The following ZMIZ1 variants were observed in gnomAD, a reference collection of about 807,000 sequenced individuals.
ZMIZ1 encodes zinc finger MIZ domain-containing protein 1.
In ZMIZ1, 17 loss-of-function variants were observed where a neutral mutation model predicts 113.9. The ratio of observed to expected loss-of-function variants is 0.15; its 90% CI spans 0.10 to 0.22. ZMIZ1 has a LOEUF of 0.22. Ranked by LOEUF, ZMIZ1 falls within the 10% of genes least tolerant of loss-of-function variation. The pLI is 1.00. For missense variants in ZMIZ1, 1,059 were observed against 1,477.8 expected, an observed-to-expected ratio of 0.72 and a Z score of 4.65; for synonymous variants, 607 against 603.1, an observed-to-expected ratio of 1.01 and a Z score of -0.09.
chr10:79,312,927 C>T lies in ZMIZ1; in HGVS notation c.*178C>T, dbSNP rs1374128096. 3.3e-6 allele frequency: 2 copies of T among 608,902 alleles called. No homozygotes were observed. Among genetic ancestry groups the T allele is most frequent in the Non-Finnish European group, 5.8e-6 (2 of 346,922 alleles). The allele number at this position is 608,902 out of a possible 1,614,324, so 37.7% of individuals were successfully genotyped here. A position where few individuals can be genotyped will look rare whatever the true frequency, so the allele number is the denominator to read the frequency against. On this transcript the variant is annotated 3_prime_UTR_variant, in exon 25 of 25. Coordinates refer to ENST00000334512, the MANE Select transcript of ZMIZ1 (RefSeq NM_020338.4). ...GAACAGAGGGGTAGGGAGGGTGCACCAGTGCACCAGGAAGGCTGTGTGGGT... is the reference window on the plus strand; with the variant it reads ...GAACAGAGGGGTAGGGAGGGTGCACTAGTGCACCAGGAAGGCTGTGTGGGT...
intron 1 of ZMIZ1, among the ~76,000 whole-genome samples, chr10:79,103,735 A>T (rs1481901596): frequency 6.6e-6 from 1 of 152,068 alleles, no homozygotes; most frequent in Non-Finnish European, 1.5e-5. Context: ...GCTCTTTGCC[A>T]GCCCGGAGCC....
intron 4 of ZMIZ1, among the ~76,000 whole-genome samples, chr10:79,181,620 G>A (rs576228170): frequency 6.6e-6 from 1 of 152,192 alleles, no homozygotes. Context: ...CAAACCGTGG[G>A]CAGTGCTCAC....
intron 15 of ZMIZ1, 42 bp downstream of exon 15, chr10:79,298,622 C>A: frequency 1.3e-6 from 2 of 1,542,914 alleles, no homozygotes; most frequent in Admixed American, 2.1e-5. Context: ...CCACCTGGGC[C>A]CCCCAGTGGG....
intron 1 of ZMIZ1, among the ~76,000 whole-genome samples, chr10:79,097,031 C>T (rs1843190188): frequency 6.6e-6 from 1 of 152,116 alleles, no homozygotes; most frequent in Non-Finnish European, 1.5e-5. Flanking sequence ...CCATGTGGCT[C>T]GGGGATGACC....
chr10:79,097,640 T>G (rs1843217323), intron 1 of ZMIZ1, among the ~76,000 whole-genome samples: 1 of 152,322 alleles, frequency 6.6e-6, no homozygotes, highest in East Asian at 1.9e-4. Context: ...CACAAACTTC[T>G]CAATAAATGT....
In ZMIZ1 at chr10:79,276,424, A is replaced by C. The variant is rs370625151; in HGVS notation, c.281-757A>C. On this transcript the variant is annotated intron_variant, in intron 7 of 24. Transcript: ENST00000334512. ...GGAAGTTTTCCCCAGTCCCCAGTTC[A>C]TGTGGGGCTCTCTTATCCCGGATGT... Among the ~76,000 whole-genome samples the C allele has an allele frequency of 1.6e-3, 241 of 152,292 alleles. 1 individual carries two copies. The highest frequency in any genetic ancestry group is 5.3e-3 in the African/African-American group (219 of 41,564).
chr10:79,135,601 C>T (rs931550980), intron 2 of ZMIZ1, among the ~76,000 whole-genome samples: 3 of 152,236 alleles, frequency 2.0e-5, no homozygotes, highest in Admixed American at 6.5e-5. Flanking sequence ...GCCCAGTTCT[C>T]GAGTTAAAGG....
intron 7 of ZMIZ1, among the ~76,000 whole-genome samples, chr10:79,260,556 G>T (rs1023794638): frequency 6.6e-6 from 1 of 152,244 alleles, no homozygotes; most frequent in African/African-American, 2.4e-5. Context: ...AAAGCCACCA[G>T]CAGTGGTTCC....
At chr10:79,289,989 C>T in intron 9 of ZMIZ1, 100 bp downstream of exon 9, 1 of 1,230,228 alleles carries the variant, frequency 8.1e-7, no homozygotes, top group Admixed American at 2.2e-5. Context: ...CAGGCCTTGC[C>T]CTGCTGGAAA....
intron 2 of ZMIZ1, among the ~76,000 whole-genome samples, chr10:79,120,719 A>C (rs935751200): frequency 1.3e-5 from 2 of 152,172 alleles, no homozygotes; most frequent in Non-Finnish European, 2.9e-5. Flanking sequence ...CAACAAATTG[A>C]AGCTAGTAGT....
intron 3 of ZMIZ1, among the ~76,000 whole-genome samples, chr10:79,161,812 C>T (rs941045239): frequency 6.6e-5 from 10 of 152,056 alleles, no homozygotes; most frequent in African/African-American, 2.2e-4. Context: ...TACTTTGACC[C>T]CACTTTGACA....
At position 79,314,194 on chromosome 10, in the gene ZMIZ1, G is replaced by A. The variant is rs1257081245; in HGVS notation, c.*1445G>A. ...ACCACTCTCCAGGGCCTCCTGGGGA[G>A]CCTGTCCTGTGTTCACTTTGTTTCA... On this transcript the variant is annotated 3_prime_UTR_variant, in exon 25 of 25. Transcript: ENST00000334512. The A allele has an allele frequency of 2.2e-6, 1 of 457,110 alleles. No homozygotes were observed. The highest frequency in any genetic ancestry group is 4.4e-6 in the Non-Finnish European group (1 of 227,034). The allele number at this position is 457,110 out of a possible 1,614,324, so 28.3% of individuals were successfully genotyped here.
At chr10:79,245,194 T>TG (rs558720495) in intron 7 of ZMIZ1, among the ~76,000 whole-genome samples, 1 of 152,218 alleles carries the variant, frequency 6.6e-6, no homozygotes, top group Non-Finnish European at 1.5e-5. Context: ...AGCCCTCCCC[T>TG]GGCTCAGAGC....
intron 16 of ZMIZ1, among the ~76,000 whole-genome samples, chr10:79,299,462 T>C (rs1854143736): frequency 6.6e-6 from 1 of 152,220 alleles, no homozygotes; most frequent in South Asian, 2.1e-4. Flanking sequence ...AGACCTAGGC[T>C]GGGAAGCTGT....
chr10:79,289,770 T>C lies in ZMIZ1; in HGVS notation c.426-5T>C, dbSNP rs1370867730. On this transcript the variant is annotated splice_polypyrimidine_tract_variant and splice_region_variant and intron_variant, in intron 8 of 24. Coordinates refer to ENST00000334512, the MANE Select transcript of ZMIZ1 (RefSeq NM_020338.4). The stretch of plus-strand genomic sequence containing the variant: ...CTGAAGATCTCCCTCTGTCTCCCTC[T>C]GCAGTGATGGGTCGTTCCCCTATGA... 1 of 1,613,200 alleles carries C rather than the reference T, an allele frequency of 6.2e-7. No individual in the cohort carries two copies. The highest frequency in any genetic ancestry group is 8.5e-7 in the Non-Finnish European group (1 of 1,179,414).
intron 3 of ZMIZ1, among the ~76,000 whole-genome samples, chr10:79,144,290 AG>A (rs1845396154): frequency 6.6e-6 from 1 of 152,192 alleles, no homozygotes; most frequent in African/African-American, 2.4e-5. Flanking sequence ...ATAGCTCACA[AG>A]GGGCAGGAAC....
intron 7 of ZMIZ1, among the ~76,000 whole-genome samples, chr10:79,269,891 C>G (rs1049762735): frequency 6.6e-6 from 1 of 152,218 alleles, no homozygotes; most frequent in African/African-American, 2.4e-5. Context: ...TACCTGCTCC[C>G]CGTGACACCC....
chr10:79,299,699 C>T (rs777585002), intron 16 of ZMIZ1, among the ~76,000 whole-genome samples: 2 of 152,232 alleles, frequency 1.3e-5, no homozygotes, highest in African/African-American at 2.4e-5. Context: ...CTGAGCCAGG[C>T]CCATGCTCAG....
intron 2 of ZMIZ1, among the ~76,000 whole-genome samples, chr10:79,129,283 T>G (rs1327781538): frequency 6.6e-6 from 1 of 152,144 alleles, no homozygotes; most frequent in Non-Finnish European, 1.5e-5. Context: ...CCCACTAGGG[T>G]GGCCGTCCAG....
Sources: allele counts gnomAD v4.1 joint callset (sites outside exome capture counted in the v4.1 genomes callset), GRCh38; gene constraint gnomAD v4.1.1; transcripts MANE v1.5; gene names NCBI Gene and HGNC (gene_info 2026-07-23, HGNC 2026-07-21).